The following DGKB variants were observed in gnomAD, a reference collection of about 807,000 sequenced individuals.
DGKB encodes diacylglycerol kinase beta.
In DGKB, 67 loss-of-function variants were observed where a neutral mutation model predicts 114.3. The observed-to-expected ratio is 0.59, with a 90% CI of 0.48 to 0.72. The LOEUF is 0.72. Among genes scored for constraint, DGKB ranks in the 30% least tolerant of loss-of-function variants. DGKB has a pLI of 0.00. For missense variants in DGKB, 907 were observed against 975.2 expected, an observed-to-expected ratio of 0.93 and a Z score of 0.93; for synonymous variants, 398 against 323.1, an observed-to-expected ratio of 1.23 and a Z score of -2.49.
chr7:14,927,218 A>T (rs1247970843), intron 1 of DGKB, among the ~76,000 whole-genome samples: 2 of 152,040 alleles, frequency 1.3e-5, no homozygotes, highest in Non-Finnish European at 2.9e-5. Flanking sequence ...GGATAAGGAG[A>T]CAGTAGTTCA....
At chr7:14,368,424 T>C (rs1817062753) in intron 21 of DGKB, among the ~76,000 whole-genome samples, 1 of 152,058 alleles carries the variant, frequency 6.6e-6, no homozygotes, top group East Asian at 1.9e-4. Flanking sequence ...GAGATATAGG[T>C]AAAGTATTTA....
intron 23 of DGKB, among the ~76,000 whole-genome samples, chr7:14,322,348 C>G (rs1444928326): frequency 1.3e-5 from 2 of 152,094 alleles, no homozygotes; most frequent in Non-Finnish European, 2.9e-5. Flanking sequence ...AACTCATAAA[C>G]AGAAACTTGG....
intron 4 of DGKB, among the ~76,000 whole-genome samples, chr7:14,740,058 T>A (rs1440788486): frequency 6.6e-6 from 1 of 152,216 alleles, no homozygotes; most frequent in South Asian, 2.1e-4. Context: ...CCCAGGGCAA[T>A]CTTGGGGGCT....
intron 21 of DGKB, among the ~76,000 whole-genome samples, chr7:14,474,973 A>G (rs1411631809): frequency 6.6e-6 from 1 of 152,122 alleles, no homozygotes; most frequent in Non-Finnish European, 1.5e-5. Context: ...AAAGAATATG[A>G]TATAAACCTT....
intron 8 of DGKB, among the ~76,000 whole-genome samples, chr7:14,697,780 A>ACAAAG (rs1824271739): frequency 7.3e-6 from 1 of 136,576 alleles, no homozygotes; most frequent in African/African-American, 2.8e-5. Context: ...AACAAAGAGA[A>ACAAAG]AGAAAGAAAG....
intron 1 of DGKB, among the ~76,000 whole-genome samples, chr7:14,958,631 T>G (rs1371390018): frequency 6.6e-6 from 1 of 152,064 alleles, no homozygotes; most frequent in African/African-American, 2.4e-5. Flanking sequence ...GTATTTTCAT[T>G]GCTTCAAGCC....
At chr7:14,170,614 A>C (rs1224703771) in intron 25 of DGKB, among the ~76,000 whole-genome samples, 2 of 152,178 alleles carry the variant, frequency 1.3e-5, no homozygotes, top group Non-Finnish European at 2.9e-5. Flanking sequence ...TTTATATCTT[A>C]ATGGCCTGAG....
chr7:14,204,336 C>G (rs756340216), intron 23 of DGKB, among the ~76,000 whole-genome samples: 10 of 151,824 alleles, frequency 6.6e-5, no homozygotes, highest in Non-Finnish European at 1.2e-4. Context: ...TGATGTGGCC[C>G]AAGGCTTCAA....
At chr7:14,221,405 C>T (rs1334104736) in intron 23 of DGKB, among the ~76,000 whole-genome samples, 1 of 151,078 alleles carries the variant, frequency 6.6e-6, no homozygotes, top group Non-Finnish European at 1.5e-5. Context: ...TTGTTGAGTA[C>T]TTTATCTGTG....
At chr7:14,904,912 C>A (rs952131627), upstream of DGKB, among the ~76,000 whole-genome samples, 2 of 152,144 alleles carry the variant, frequency 1.3e-5, no homozygotes, top group African/African-American at 2.4e-5. Context: ...ATACAAAAGG[C>A]CAACTTTATC....
chr7:14,705,968 T>C (rs1305604527), intron 6 of DGKB, among the ~76,000 whole-genome samples: 2 of 151,468 alleles, frequency 1.3e-5, no homozygotes, highest in East Asian at 3.9e-4. Flanking sequence ...CATAACAATA[T>C]TAACTTTAAA....
chr7:14,249,420 C>G (rs73069642), intron 23 of DGKB, among the ~76,000 whole-genome samples: 7,769 of 152,102 alleles, frequency 0.051, 255 homozygotes, highest in East Asian at 0.14. Flanking sequence ...GAAGCACTGG[C>G]ATTCTTTTTA....
chr7:14,902,011 C>T (rs1241301274), intron 1 of DGKB, among the ~76,000 whole-genome samples: 1 of 152,104 alleles, frequency 6.6e-6, no homozygotes, highest in Non-Finnish European at 1.5e-5. Flanking sequence ...AGGGGACCCT[C>T]CATGTGGCAC....
chr7:14,455,112 T>C (rs960894288), intron 21 of DGKB, among the ~76,000 whole-genome samples: 3 of 152,054 alleles, frequency 2.0e-5, no homozygotes, highest in African/African-American at 7.2e-5. Flanking sequence ...TAATTTTCTA[T>C]AAACTCTGTT....
At chr7:14,498,210 A>G (rs1785583710) in intron 20 of DGKB, among the ~76,000 whole-genome samples, 1 of 151,864 alleles carries the variant, frequency 6.6e-6, no homozygotes, top group Non-Finnish European at 1.5e-5. Context: ...TTGCCACCTT[A>G]CACATTCTCC....
At chr7:14,281,340 G>A (rs1417814676) in intron 23 of DGKB, among the ~76,000 whole-genome samples, 1 of 140,486 alleles carries the variant, frequency 7.1e-6, no homozygotes, top group African/African-American at 2.6e-5. Flanking sequence ...ACCCAATACA[G>A]GAGCACCCAG....
At chr7:14,428,790 A>T (rs1279768983) in intron 21 of DGKB, among the ~76,000 whole-genome samples, 5 of 152,098 alleles carry the variant, frequency 3.3e-5, no homozygotes, top group Non-Finnish European at 4.4e-5. Context: ...TTTGCCACTC[A>T]CTGATTCAGC....
At position 14,711,829 on chromosome 7, in the gene DGKB, A is replaced by G. The variant is rs528781698; in HGVS notation, c.466+6713T>C. Reference sequence around the variant, plus strand: ...AAGGAATTCTGGGCTAAAGGTACTCAGGAATTCTGAGTATAAGGATACAAT... The same window carrying G: ...AAGGAATTCTGGGCTAAAGGTACTCGGGAATTCTGAGTATAAGGATACAAT... On this transcript the variant is annotated intron_variant, in intron 6 of 25. Coordinates refer to ENST00000402815, the MANE Select transcript of DGKB (RefSeq NM_001350709.2). 5.9e-5 allele frequency among the ~76,000 whole-genome samples: 9 copies of G among 152,288 alleles called. No individual in the cohort carries two copies. In the East Asian group the frequency reaches 9.7e-4, roughly 16 times the overall value.
chr7:14,945,533 C>G (rs1457872323), intron 1 of DGKB, among the ~76,000 whole-genome samples: 1 of 151,752 alleles, frequency 6.6e-6, no homozygotes, highest in Non-Finnish European at 1.5e-5. Context: ...ACAATCAGAT[C>G]TTTTATAAAT....
Sources: allele counts gnomAD v4.1 joint callset (sites outside exome capture counted in the v4.1 genomes callset), GRCh38; gene constraint gnomAD v4.1.1; transcripts MANE v1.5; gene names NCBI Gene and HGNC (gene_info 2026-07-23, HGNC 2026-07-21).